Variants in WWOX observed in about 807,000 individuals in gnomAD.
WWOX encodes WW domain-containing oxidoreductase.
Under a neutral mutation model 46.2 loss-of-function variants are expected in WWOX, and 69 were observed. That is an observed-to-expected ratio of 1.49 (90% CI 1.23 to 1.82). The LOEUF (loss-of-function observed/expected upper bound fraction) is 1.82. Among genes scored for constraint, WWOX ranks in the 40% most tolerant of loss-of-function variants. The pLI, the probability that WWOX is intolerant of heterozygous loss-of-function variation, is 0.00. For missense variants in WWOX, 919 were observed against 542.6 expected, an observed-to-expected ratio of 1.69 and a Z score of -6.89; for synonymous variants, 359 against 202.6, an observed-to-expected ratio of 1.77 and a Z score of -6.56.
At chr16:78,402,120 A>G (rs1325303350) in intron 6 of WWOX, among the ~76,000 whole-genome samples, 1 of 152,210 alleles carries the variant, frequency 6.6e-6, no homozygotes, top group Non-Finnish European at 1.5e-5. Flanking sequence ...TCTCATAACA[A>G]TTAGCAGTTA....
intron 8 of WWOX, chr16:78,899,135 G>T (rs2044767414): frequency 6.6e-6 from 1 of 152,050 alleles, no homozygotes; most frequent in South Asian, 2.1e-4. Context: ...TTGAACAGAG[G>T]TTTTGAGACA....
At chr16:78,913,200 G>C (rs2151258222) in intron 8 of WWOX, among the ~76,000 whole-genome samples, 1 of 152,106 alleles carries the variant, frequency 6.6e-6, no homozygotes, top group East Asian at 1.9e-4. Flanking sequence ...CCTCATCCTT[G>C]CAGGGAGTGG....
chr16:79,110,041 A>G (rs1288405091), intron 8 of WWOX, among the ~76,000 whole-genome samples: 1 of 152,180 alleles, frequency 6.6e-6, no homozygotes, highest in East Asian at 1.9e-4. Context: ...CTAGCCTGGT[A>G]GATATTGAGC....
At chr16:79,058,402 G>A (rs563431509) in intron 8 of WWOX, among the ~76,000 whole-genome samples, 9 of 152,176 alleles carry the variant, frequency 5.9e-5, no homozygotes, top group African/African-American at 2.2e-4. Flanking sequence ...TTTGAATTGT[G>A]TGATTATTGT....
intron 8 of WWOX, among the ~76,000 whole-genome samples, chr16:79,029,435 G>C (rs749364777): frequency 3.3e-5 from 5 of 152,190 alleles, no homozygotes; most frequent in Non-Finnish European, 5.9e-5. Flanking sequence ...CACCAGTAAA[G>C]GGTTCTGATG....
chr16:78,429,512 G>T (rs1455957109), intron 7 of WWOX, among the ~76,000 whole-genome samples: 2 of 152,136 alleles, frequency 1.3e-5, no homozygotes, highest in Non-Finnish European at 2.9e-5. Flanking sequence ...ATGCCAAGAA[G>T]GGTTTCTGGA....
At chr16:78,709,532 C>T (rs766861552) in intron 8 of WWOX, among the ~76,000 whole-genome samples, 1 of 152,114 alleles carries the variant, frequency 6.6e-6, no homozygotes, top group African/African-American at 2.4e-5. Flanking sequence ...TGTGCCTCTT[C>T]TCTTCATTAG....
chr16:79,089,067 T>A (rs1024049025), intron 8 of WWOX, among the ~76,000 whole-genome samples: 1 of 152,178 alleles, frequency 6.6e-6, no homozygotes, highest in Non-Finnish European at 1.5e-5. Flanking sequence ...GTCTTTTCTG[T>A]ATGCAGTTAA....
chr16:78,537,441 A>G (rs957061718), intron 8 of WWOX, among the ~76,000 whole-genome samples: 2 of 152,204 alleles, frequency 1.3e-5, no homozygotes, highest in African/African-American at 4.8e-5. Context: ...TGTTGAGCCC[A>G]TTAATGTGAT....
At chr16:78,691,161 C>G (rs2047978394) in intron 8 of WWOX, 2 of 690,580 alleles carry the variant, frequency 2.9e-6, no homozygotes, top group South Asian at 1.5e-5. Context: ...CAGTATTTCC[C>G]CCAGTGTTTG....
intron 5 of WWOX, among the ~76,000 whole-genome samples, chr16:78,335,362 A>C (rs1019193544): frequency 6.6e-6 from 1 of 152,082 alleles, no homozygotes; most frequent in African/African-American, 2.4e-5. Context: ...CCACTTATAA[A>C]CGAGAGCATG....
intron 6 of WWOX, among the ~76,000 whole-genome samples, 169 bp from the exon 7 acceptor site, chr16:78,424,701 A>C (rs181824435): frequency 6.6e-6 from 1 of 152,268 alleles, no homozygotes; most frequent in South Asian, 2.1e-4. Flanking sequence ...TCCTATTTCT[A>C]CATGGTGGGA....
chr16:78,740,987 G>A (rs1249595095), intron 8 of WWOX, among the ~76,000 whole-genome samples: 2 of 152,032 alleles, frequency 1.3e-5, no homozygotes, highest in African/African-American at 4.8e-5. Context: ...TCTCTTACAG[G>A]CCATGGGTCT....
At chr16:78,478,058 C>G (rs1325390842) in intron 8 of WWOX, among the ~76,000 whole-genome samples, 1 of 151,844 alleles carries the variant, frequency 6.6e-6, no homozygotes, top group African/African-American at 2.4e-5. Context: ...TATTCGTAAT[C>G]AATAAGAACA....
chr16:78,197,693 A>G (rs1191339421), intron 5 of WWOX, among the ~76,000 whole-genome samples: 2 of 152,200 alleles, frequency 1.3e-5, no homozygotes, highest in Non-Finnish European at 2.9e-5. Context: ...GTTTATAGAC[A>G]TTATATGATT....
At chr16:78,462,487 A>C (rs1651040582) in intron 8 of WWOX, among the ~76,000 whole-genome samples, 1 of 152,158 alleles carries the variant, frequency 6.6e-6, no homozygotes, top group Non-Finnish European at 1.5e-5. Flanking sequence ...GTATTTCCTT[A>C]GTAAATTGTT....
At chr16:79,087,556 A>G (rs2061703905) in intron 8 of WWOX, among the ~76,000 whole-genome samples, 2 of 152,200 alleles carry the variant, frequency 1.3e-5, no homozygotes, top group Admixed American at 1.3e-4. Flanking sequence ...GGAGAAAGCC[A>G]GAGCAAGACT....
At position 78,612,378 on chromosome 16, in the gene WWOX, C is replaced by G. The variant is rs145501148; in HGVS notation, c.1056+179626C>G. 3.5e-3 allele frequency among the ~76,000 whole-genome samples: 536 copies of G among 152,360 alleles called. 4 individuals carry two copies. The highest frequency in any genetic ancestry group is 0.012 in the African/African-American group (502 of 41,588). On this transcript the variant is annotated intron_variant, in intron 8 of 8. Coordinates refer to ENST00000566780, the MANE Select transcript of WWOX (RefSeq NM_016373.4). Reference sequence around the variant, plus strand: ...TCATCCTATGAAGGAGGGCCCATCTCTTACGGCAGGCAGCGTGGCGTAGGC... The same window carrying G: ...TCATCCTATGAAGGAGGGCCCATCTGTTACGGCAGGCAGCGTGGCGTAGGC...
intron 4 of WWOX, among the ~76,000 whole-genome samples, chr16:78,136,507 A>C (rs528280720): frequency 6.6e-6 from 1 of 152,180 alleles, no homozygotes; most frequent in African/African-American, 2.4e-5. Flanking sequence ...TCAAATCTAG[A>C]GGACAAAACC....
Sources: gnomAD v4.1 joint callset for allele counts (sites outside exome capture counted in the v4.1 genomes callset) on GRCh38, gnomAD v4.1.1 for gene constraint, MANE v1.5 for transcripts, NCBI Gene and HGNC (gene_info 2026-07-23, HGNC 2026-07-21) for gene names.